Variants in ATXN2 observed in about 807,000 individuals in gnomAD.
The protein encoded by ATXN2 is ataxin 2, also known as ataxin-2.
Under a neutral mutation model 138.6 loss-of-function variants are expected in ATXN2, and 37 were observed. The observed-to-expected ratio is 0.27, with a 90% CI of 0.21 to 0.35. The LOEUF (loss-of-function observed/expected upper bound fraction) is 0.35. ATXN2 is among the 10% of genes least tolerant of loss of function. ATXN2 has a pLI of 1.00. For synonymous variants in ATXN2, 549 were observed against 543.7 expected, an observed-to-expected ratio of 1.01 and a Z score of -0.13; for missense variants, 1,216 against 1,480.3, an observed-to-expected ratio of 0.82 and a Z score of 2.93.
Position 111,598,633 on chromosome 12 carries a change from G to T in ATXN2, c.251+151C>A, listed in dbSNP as rs991255080. The T allele has an allele frequency of 1.1e-4, 106 of 934,278 alleles. No homozygotes were observed. The highest frequency in any genetic ancestry group is 1.2e-4 in the Non-Finnish European group (96 of 781,348). The allele number at this position is 934,278 out of a possible 1,614,324, so 57.9% of individuals were successfully genotyped here. Reference sequence around the variant, plus strand: ...CGGCTGCGCCCACCGGCCGAGCCTCGGGGCTCAGGCCCGAGCGAGTCTCCC... The same window carrying T: ...CGGCTGCGCCCACCGGCCGAGCCTCTGGGCTCAGGCCCGAGCGAGTCTCCC... On this transcript the variant is annotated intron_variant, in intron 1 of 24. Transcript: ENST00000673436. This position sits in a 1 kb window ranked among gnomAD's most constrained non-coding sequence, Gnocchi z 4.5.
intron 2 of ATXN2, among the ~76,000 whole-genome samples, chr12:111,554,668 T>A (rs1044400736): frequency 2.6e-5 from 4 of 152,156 alleles, no homozygotes; most frequent in Non-Finnish European, 4.4e-5. Flanking sequence ...ACCGTAAGGA[T>A]GGAAGACAAA....
chr12:111,543,144 G>C (rs1881616615), intron 5 of ATXN2, among the ~76,000 whole-genome samples: 1 of 151,972 alleles, frequency 6.6e-6, no homozygotes, highest in Non-Finnish European at 1.5e-5. Flanking sequence ...GCCTCAATAA[G>C]TGCCACTCTC....
intron 14 of ATXN2, among the ~76,000 whole-genome samples, chr12:111,502,602 T>G (rs1354097490): frequency 1.3e-5 from 2 of 152,054 alleles, no homozygotes; most frequent in Non-Finnish European, 2.9e-5. Flanking sequence ...GCTAATTTTT[T>G]GTATTTTTAG....
chr12:111,486,916 T>A, intron 15 of ATXN2, 92 bp from the exon 16 acceptor site: 1 of 1,069,266 alleles, frequency 9.4e-7, no homozygotes, highest in East Asian at 2.5e-5. Flanking sequence ...AATTGCTAAA[T>A]ATAGATTTAA....
intron 5 of ATXN2, among the ~76,000 whole-genome samples, chr12:111,543,177 T>C (rs1227388590): frequency 6.6e-6 from 1 of 152,162 alleles, no homozygotes; most frequent in Non-Finnish European, 1.5e-5. Flanking sequence ...GGCCCCAGAA[T>C]GAACACATAT....
At chr12:111,568,738 A>T (rs1670554750) in intron 1 of ATXN2, among the ~76,000 whole-genome samples, 1 of 152,198 alleles carries the variant, frequency 6.6e-6, no homozygotes, top group African/African-American at 2.4e-5. Flanking sequence ...TTAATACTTA[A>T]GTAACTAATA....
At chr12:111,503,093 C>T (rs1437085479) in intron 14 of ATXN2, among the ~76,000 whole-genome samples, 3 of 152,308 alleles carry the variant, frequency 2.0e-5, no homozygotes, top group African/African-American at 7.2e-5. Flanking sequence ...ACAAATAAAG[C>T]TATCAGCACT....
intron 1 of ATXN2, among the ~76,000 whole-genome samples, chr12:111,583,335 T>G (rs968309333): frequency 6.6e-6 from 1 of 152,110 alleles, no homozygotes; most frequent in African/African-American, 2.4e-5. Context: ...AAACTAAGCC[T>G]GAGAGTGGCT....
In ATXN2 at chr12:111,534,752, C is replaced by T. The variant is rs114195483; in HGVS notation, c.572-9436G>A. 9.3e-3 allele frequency among the ~76,000 whole-genome samples: 1,414 copies of T among 152,264 alleles called. 22 individuals are homozygous for T. The highest frequency in any genetic ancestry group is 0.032 in the African/African-American group (1,350 of 41,544). ...AAGTAGGGAGCTAGGACATCACTAG[C>T]TCTTCTTCCAACCAAAGCCTTGTTT... is the stretch of plus-strand genomic sequence containing the variant. On this transcript the variant is annotated intron_variant, in intron 5 of 24. Transcript: ENST00000673436.
At chr12:111,525,121 T>G (rs1009327068) in intron 6 of ATXN2, 71 bp downstream of exon 6, 3 of 1,517,228 alleles carry the variant, frequency 2.0e-6, no homozygotes, top group Non-Finnish European at 2.6e-6. Flanking sequence ...AAAAGCACAT[T>G]TAAATTACAA....
At position 111,513,411 on chromosome 12, in the gene ATXN2, G is replaced by C; in HGVS notation, c.1504C>G (p.Pro502Ala). 6.2e-7 allele frequency: 1 copy of C among 1,613,998 alleles called. No individual in the cohort carries two copies. Among genetic ancestry groups the C allele is most frequent in the African/African-American group, 1.3e-5 (1 of 75,026 alleles). The change falls in exon 11 of 25, where the codon CCA becomes GCA. Residue 502 changes from proline (P) to alanine (A), a missense_variant. Physicochemically the swap from Pro to Ala is conservative, Grantham distance 27. Coordinates refer to ENST00000673436, the MANE Select transcript of ATXN2 (RefSeq NM_001372574.1). ...HNPPSEAATP[P>A]VARTSPSGGT... ...CCCGAGGGACTGGTCCTTGCTACTGGAGGAGTAGCTGCTTCACTGGGTGGG... is the reference window on the plus strand; with the variant it reads ...CCCGAGGGACTGGTCCTTGCTACTGCAGGAGTAGCTGCTTCACTGGGTGGG...
chr12:111,464,801 T>G (rs1021837352), intron 20 of ATXN2, 86 bp from the exon 21 acceptor site: 2 of 1,007,676 alleles, frequency 2.0e-6, no homozygotes, highest in African/African-American at 3.2e-5. Context: ...ATTAGTAATT[T>G]CTTTTTGTAT....
intron 1 of ATXN2, among the ~76,000 whole-genome samples, chr12:111,566,796 C>A (rs946733159): frequency 6.6e-6 from 1 of 152,072 alleles, no homozygotes; most frequent in Non-Finnish European, 1.5e-5. Flanking sequence ...GCCACCACAT[C>A]CCCGCTAATT....
At chr12:111,536,641 A>G (rs1449330208) in intron 5 of ATXN2, among the ~76,000 whole-genome samples, 1 of 152,168 alleles carries the variant, frequency 6.6e-6, no homozygotes, top group East Asian at 1.9e-4. Flanking sequence ...AAAACAAAAC[A>G]GCCCAACAGT....
intron 1 of ATXN2, among the ~76,000 whole-genome samples, chr12:111,594,536 A>G (rs796698323): frequency 3.3e-5 from 5 of 152,238 alleles, no homozygotes; most frequent in African/African-American, 1.2e-4. Flanking sequence ...AGAAAGAAGC[A>G]GTAAAAATAC....
At chr12:111,497,286 T>G (rs1292082439) in intron 14 of ATXN2, among the ~76,000 whole-genome samples, 1 of 152,128 alleles carries the variant, frequency 6.6e-6, no homozygotes, top group Non-Finnish European at 1.5e-5. Context: ...ACTGCTGAAT[T>G]CTACTAAACC....
intron 14 of ATXN2, among the ~76,000 whole-genome samples, chr12:111,494,355 CAA>C (rs1878265474): frequency 6.6e-6 from 1 of 151,446 alleles, no homozygotes; most frequent in South Asian, 2.1e-4. Context: ...TTTTTGCAAT[CAA>C]AGTTTCAAGT....
At chr12:111,555,100 A>G (rs1882319219) in intron 2 of ATXN2, among the ~76,000 whole-genome samples, 1 of 152,210 alleles carries the variant, frequency 6.6e-6, no homozygotes, top group African/African-American at 2.4e-5. Context: ...AATTTCATTG[A>G]TAACATTCCA....
At chr12:111,571,523 A>T (rs750455181) in intron 1 of ATXN2, among the ~76,000 whole-genome samples, 6 of 152,138 alleles carry the variant, frequency 3.9e-5, no homozygotes, top group Non-Finnish European at 5.9e-5. Flanking sequence ...ATGATGGAGG[A>T]GCAAGCAAGA....
Sources: allele counts gnomAD v4.1 joint callset (sites outside exome capture counted in the v4.1 genomes callset), GRCh38; gene constraint gnomAD v4.1.1; non-coding constraint Gnocchi (gnomAD v3.1); transcripts MANE v1.5; gene names NCBI Gene and HGNC (gene_info 2026-07-23, HGNC 2026-07-21).